PMS2: variants seen among roughly 807,000 people sequenced by gnomAD.
PMS2 encodes the protein mismatch repair endonuclease PMS2.
PMS2 carries 69 observed loss-of-function variants against 90.0 expected under a neutral mutation model. That is an observed-to-expected ratio of 0.77 (90% CI 0.63 to 0.94). The LOEUF (loss-of-function observed/expected upper bound fraction) is 0.94. Among genes scored for constraint, PMS2 ranks in the 40% least tolerant of loss-of-function variants. The pLI, the probability that PMS2 is intolerant of heterozygous loss-of-function variation, is 0.00. For missense variants in PMS2, 966 were observed against 1,040.2 expected, an observed-to-expected ratio of 0.93 and a Z score of 0.98; for synonymous variants, 332 against 375.1, an observed-to-expected ratio of 0.89 and a Z score of 1.33.
At chr7:6,002,714 G>C (rs1272373212) in intron 4 of PMS2, 78 bp from the exon 5 acceptor site, 1 of 1,138,666 alleles carries the variant, frequency 8.8e-7, no homozygotes, top group Non-Finnish European at 1.3e-6. Flanking sequence ...TTCTTCACTT[G>C]CTTTTCTCTC....
intron 11 of PMS2, among the ~76,000 whole-genome samples, chr7:5,984,526 T>G (rs1782653616): frequency 6.6e-6 from 1 of 151,760 alleles, no homozygotes; most frequent in Non-Finnish European, 1.5e-5. Flanking sequence ...GCAGCTGTAA[T>G]GTAATCCCAG....
At chr7:5,979,920 C>T (rs1219813553) in intron 12 of PMS2, among the ~76,000 whole-genome samples, 1 of 89,296 alleles carries the variant, frequency 1.1e-5, no homozygotes, top group African/African-American at 3.8e-5. Context: ...GGAAGAAAGA[C>T]GTTGAGCAAA....
At chr7:5,998,647 T>C (rs1357547013) in intron 6 of PMS2, among the ~76,000 whole-genome samples, 4 of 142,280 alleles carry the variant, frequency 2.8e-5, no homozygotes, top group African/African-American at 2.6e-5. Context: ...TGAGCCAAGA[T>C]GGCGCCACTG....
chr7:5,976,016 A>G (rs1781599562), intron 14 of PMS2, among the ~76,000 whole-genome samples: 2 of 143,862 alleles, frequency 1.4e-5, no homozygotes, highest in South Asian at 2.4e-4. Flanking sequence ...CAAGGCGGGC[A>G]GATCATGAGG....
intron 2 of PMS2, among the ~76,000 whole-genome samples, chr7:6,005,542 G>A (rs1292536212): frequency 6.6e-6 from 1 of 152,098 alleles, no homozygotes; most frequent in Non-Finnish European, 1.5e-5. Flanking sequence ...TCACCATGTT[G>A]GCCAGGTTGG....
chr7:5,982,010 A>T (rs1206724489), intron 12 of PMS2, among the ~76,000 whole-genome samples: 1 of 151,810 alleles, frequency 6.6e-6, no homozygotes, highest in African/African-American at 2.4e-5. Context: ...ACACATATAA[A>T]CTATTAGGTC....
At chr7:5,995,940 T>C (rs932399770) in intron 7 of PMS2, among the ~76,000 whole-genome samples, 6 of 152,104 alleles carry the variant, frequency 3.9e-5, no homozygotes, top group African/African-American at 1.2e-4. Context: ...TGTAAGTGGG[T>C]CTCGCTTCAA....
rs1554297872 is a variant in PMS2 at position 5,987,431 on chromosome 7, C to T, written c.1334G>A (p.Ser445Asn). The change falls in exon 11 of 15, where the codon AGC (serine) becomes AAC (asparagine). Residue 445 changes from serine (S) to asparagine (N), a missense_variant. Ser to Asn is a conservative substitution (Grantham distance 46, BLOSUM62 1). Transcript: ENST00000265849. ...CATACCCCTTTTCTGTCCTAGAGGG[C>T]TCCTTCTTGGTTCTGGAGTCTTTGG... ...HSPKTPEPRR[S>N]PLGQKRGMLS... 1 of 1,614,072 alleles carries T rather than the reference C, an allele frequency of 6.2e-7. No individual in the cohort carries two copies. The highest frequency in any genetic ancestry group is 8.5e-7 in the Non-Finnish European group (1 of 1,179,932).
chr7:5,991,838 C>CA (rs1275942085), intron 9 of PMS2, 135 bp downstream of exon 9: 1,682 of 612,502 alleles, frequency 2.7e-3, no homozygotes, highest in Middle Eastern at 3.7e-3. Flanking sequence ...GACCCCGTCT[C>CA]AAAAAAAAAC....
At chr7:6,002,683 T>C (rs1390639331) in intron 4 of PMS2, 47 bp from the exon 5 acceptor site, 3 of 1,400,404 alleles carry the variant, frequency 2.1e-6, no homozygotes, top group South Asian at 1.2e-5. Flanking sequence ...AGACCCATGA[T>C]GTTGGGCACT....
At position 6,002,541 on chromosome 7, in the gene PMS2, G is replaced by A. The variant is rs778119115; in HGVS notation, c.449C>T (p.Pro150Leu). ...GCTGACTGTGGTCCCTCTGGGGCGG[G>A]GGTAGGGGGTTTTCTGGATAATTTT... Reference protein sequence around the residue: ...NGKIIQKTPYPRPRGTTVSVQ... With the variant: ...NGKIIQKTPYLRPRGTTVSVQ... Residue 150 changes from proline to leucine, a missense_variant, in exon 5 of 15, where the codon CCC (proline) becomes CTC (leucine). By Grantham distance (98) the Pro-to-Leu change is moderately conservative (BLOSUM62 -3). Around this residue, in one of 2 missense-constraint regions of PMS2, gnomAD observed 871 missense variants for 802.4 expected, o/e 1.09. Transcript: ENST00000265849. 4.3e-6 allele frequency: 7 copies of A among 1,611,566 alleles called. No homozygotes were observed. The highest frequency in any genetic ancestry group is 1.1e-5 in the South Asian group (1 of 90,978).
chr7:6,000,939 C>T (rs186370973), intron 5 of PMS2, among the ~76,000 whole-genome samples: 17 of 152,096 alleles, frequency 1.1e-4, no homozygotes, highest in East Asian at 7.7e-4. Context: ...TGCAGTGAGC[C>T]GAGATCGCAC....
At chr7:6,002,022 T>TAAAAA (rs1562687350) in intron 5 of PMS2, 4 of 150,946 alleles carry the variant, frequency 2.6e-5, no homozygotes, top group Non-Finnish European at 5.9e-5. Flanking sequence ...AAATAAAAAA[T>TAAAAA]ATATATATAT....
chr7:6,002,668 G>A (rs1465818070), intron 4 of PMS2, 32 bp from the exon 5 acceptor site: 3 of 1,552,964 alleles, frequency 1.9e-6, no homozygotes, highest in African/African-American at 2.7e-5. Context: ...GGTGTGTTCA[G>A]TGAGAGACCC....
Position 5,979,347 on chromosome 7 carries a change from C to T in PMS2, c.2175-651G>A, listed in dbSNP as rs1265097447. 1.3e-4 allele frequency among the ~76,000 whole-genome samples: 19 copies of T among 146,930 alleles called. 1 individual carries two copies. The highest frequency in any genetic ancestry group is 4.8e-4 in the African/African-American group (19 of 39,512). On this transcript the variant is annotated intron_variant, in intron 12 of 14. Transcript: ENST00000265849. ...TGGAGGTTGCAGTGAGCCAAGATCA[C>T]ACCACTGCACTCCAGCCTGGGCAAC...
In PMS2 at chr7:6,005,967, G is replaced by C. The variant is rs141577476; in HGVS notation, c.88C>G (p.Gln30Glu). 1 of 1,610,772 alleles carries C rather than the reference G, an allele frequency of 6.2e-7. No individual in the cohort carries two copies. The highest frequency in any genetic ancestry group is 8.5e-7 in the Non-Finnish European group (1 of 1,179,804). ...GCAGTGCTTAGACTCAGTACCACCTGCCCAGAGCAAATCTGATGGACTGAC... is the reference window on the plus strand; with the variant it reads ...GCAGTGCTTAGACTCAGTACCACCTCCCCAGAGCAAATCTGATGGACTGAC... ...RKSVHQICSGQVVLSLSTAVK... is the reference protein window; with the variant it reads ...RKSVHQICSGEVVLSLSTAVK... The change falls in exon 2 of 15, where the codon CAG becomes GAG. Residue 30 changes from glutamine (Q) to glutamate (E), a missense_variant. Gln to Glu is a conservative substitution (Grantham distance 29). This residue lies in a region of PMS2 where 871 missense variants were observed against 802.4 expected (regional missense o/e 1.09). Coordinates refer to ENST00000265849, the MANE Select transcript of PMS2 (RefSeq NM_000535.7).
rs2128675666 is a variant in PMS2, at chr7:5,977,740, C to G, written c.2293G>C (p.Ala765Pro). ...IDENAPVTER[A>P]KLISLPTSKN... ...CTAGTTGGCAAGGAAATCAGTTTAGCCCTTTCAGTGACTGGAGCTAAAAGA... is the reference window on the plus strand; with the variant it reads ...CTAGTTGGCAAGGAAATCAGTTTAGGCCTTTCAGTGACTGGAGCTAAAAGA... The change falls in exon 14 of 15, where the codon GCT becomes CCT. Residue 765 changes from alanine to proline, a missense_variant. Transcript: ENST00000265849. 1 of 1,606,236 alleles carries G rather than the reference C, an allele frequency of 6.2e-7. No individual in the cohort carries two copies. Among genetic ancestry groups the G allele is most frequent in the Non-Finnish European group, 8.5e-7 (1 of 1,174,712 alleles).
intron 2 of PMS2, chr7:6,004,312 T>C (rs186612229): frequency 3.4e-4 from 117 of 343,744 alleles, no homozygotes; most frequent in Non-Finnish European, 2.9e-4. Context: ...GCAGTTGGAG[T>C]GGAGAAGGAA....
chr7:5,975,925 C>A (rs947937496), intron 14 of PMS2, among the ~76,000 whole-genome samples: 4 of 126,770 alleles, frequency 3.2e-5, no homozygotes, highest in Non-Finnish European at 6.8e-5. Flanking sequence ...CCATGTTTTT[C>A]TCTTGTCATT....
Sources: gnomAD v4.1 joint callset for allele counts (sites outside exome capture counted in the v4.1 genomes callset) on GRCh38, gnomAD v4.1.1 for gene constraint, gnomAD v4.1.1 regional missense constraint, MANE v1.5 for transcripts, NCBI Gene and HGNC (gene_info 2026-07-23, HGNC 2026-07-21) for gene names.